The following CD8A variants were observed in gnomAD, a reference collection of about 807,000 sequenced individuals.
CD8A encodes the protein T-cell surface glycoprotein CD8 alpha chain.
CD8A carries 25 observed loss-of-function variants against 24.2 expected under a neutral mutation model. The ratio of observed to expected loss-of-function variants is 1.03; its 90% confidence interval spans 0.75 to 1.44. The LOEUF is 1.44. CD8A is among the 40% of genes most tolerant of loss of function. CD8A has a pLI of 0.00. For synonymous variants in CD8A, 165 were observed against 149.9 expected (o/e 1.10, Z -0.74); for missense variants, 360 against 319.7 (o/e 1.13, Z -0.96).
chr2:86,803,132 T>C (rs1245262863), intron 2 of CD8A, among the ~76,000 whole-genome samples: 2 of 152,232 alleles, frequency 1.3e-5, no homozygotes, highest in Admixed American at 1.3e-4. Flanking sequence ...TGATGTCAAG[T>C]TAAAAGTGAG....
At chr2:86,788,387 C>T (rs1673111786) in intron 5 of CD8A, 143 bp downstream of exon 5, 1 of 733,512 alleles carries the variant, frequency 1.4e-6, no homozygotes, top group Admixed American at 2.1e-5. Flanking sequence ...TCTCTTTGCT[C>T]AGGAACTGGC....
intron 2 of CD8A, among the ~76,000 whole-genome samples, chr2:86,804,617 T>G (rs1208857905): frequency 6.6e-6 from 1 of 151,818 alleles, no homozygotes; most frequent in East Asian, 1.9e-4. Flanking sequence ...GTATTATTAT[T>G]TTTTTTAGAG....
chr2:86,789,594 C>A (rs771007253), intron 3 of CD8A, 46 bp downstream of exon 3: 3 of 1,407,452 alleles, frequency 2.1e-6, no homozygotes, highest in Non-Finnish European at 2.9e-6. Context: ...CATGGGCTCT[C>A]CCCGCGGTGC....
Position 86,785,783 on chromosome 2 carries a change from C to A in CD8A, c.*137G>T, listed in dbSNP as rs1372296038. 1.2e-6 allele frequency: 1 copy of A among 804,592 alleles called. No homozygotes were observed. Among genetic ancestry groups the A allele is most frequent in the East Asian group, 2.4e-5 (1 of 41,336 alleles). The allele number at this position is 804,592 out of a possible 1,614,324, so 49.8% of individuals were successfully genotyped here. A position where few individuals can be genotyped will look rare whatever the true frequency, so the allele number is the denominator to read the frequency against. On this transcript the variant is annotated 3_prime_UTR_variant, in exon 6 of 6. Transcript: ENST00000283635. The stretch of plus-strand genomic sequence containing the variant: ...ACACATAAAGAAAAAGTAATCTTTC[C>A]CACCCCGCCCCCACTAAAATAATAA...
exon 1 of CD8A, chr2:86,808,247 C>T (rs1038664864): frequency 1.4e-4 from 22 of 151,938 alleles, no homozygotes; most frequent in African/African-American, 5.3e-4. Flanking sequence ...CGTACTGAGG[C>T]AGAAACGGGG....
intron 2 of CD8A, among the ~76,000 whole-genome samples, chr2:86,804,054 G>A (rs1673761371): frequency 6.6e-6 from 1 of 152,164 alleles, no homozygotes; most frequent in African/African-American, 2.4e-5. Context: ...GAGCATAGTT[G>A]CTTTTGCTAC....
rs752829085 is a variant in CD8A, at chr2:86,789,414, G to A, written c.534C>T (p.Asp178=). 2 of 1,613,812 alleles carry A rather than the reference G, an allele frequency of 1.2e-6. No individual in the cohort carries two copies. Among genetic ancestry groups the A allele is most frequent in the Non-Finnish European group, 1.7e-6 (2 of 1,179,696 alleles). Residue 178 remains aspartate, a synonymous_variant, in exon 4 of 6, where the codon GAC becomes GAT. Transcript: ENST00000283635. ...AGGAVHTRGL[D]FACDIYIWAP... is the part of the protein sequence containing the mutation. ...CCCAGATGTAGATATCACAGGCGAAGTCCAGCCCCCTCGTGTGCACTGACG... is the reference window on the plus strand; with the variant it reads ...CCCAGATGTAGATATCACAGGCGAAATCCAGCCCCCTCGTGTGCACTGACG...
At chr2:86,795,313 A>T (rs189063111), upstream of CD8A, among the ~76,000 whole-genome samples, 3 of 152,316 alleles carry the variant, frequency 2.0e-5, no homozygotes, top group East Asian at 5.8e-4. Flanking sequence ...TCCAAGTAAG[A>T]GTGGTCAGGA....
At chr2:86,798,890 A>G (rs1418187605) in intron 3 of CD8A, among the ~76,000 whole-genome samples, 2 of 152,128 alleles carry the variant, frequency 1.3e-5, no homozygotes, top group Non-Finnish European at 2.9e-5. Flanking sequence ...TGTTTACTAG[A>G]TATGTATACA....
At chr2:86,805,799 T>C (rs1673829760) in intron 2 of CD8A, among the ~76,000 whole-genome samples, 1 of 152,158 alleles carries the variant, frequency 6.6e-6, no homozygotes, top group Admixed American at 6.5e-5. Flanking sequence ...AAGCTTCAAC[T>C]CTTCTTTTTG....
rs1673904307 is a variant in CD8A at position 86,806,532 on chromosome 2, T to C, written c.-418+915A>G. Among the ~76,000 whole-genome samples the C allele has an allele frequency of 2.0e-5, 3 of 152,192 alleles. No homozygotes were observed. In the South Asian group the frequency reaches 6.2e-4, roughly 32 times the overall value. On this transcript the variant is annotated intron_variant, in intron 2 of 8. Coordinates refer to the CD8A transcript ENST00000409511. ...CTTAGTATGGTTTGTACCTTCCCAG[T>C]AGAGCAGGAAAAAGAGGAACGAGCT...
At chr2:86,807,948 G>A (rs2104471958) in intron 1 of CD8A, among the ~76,000 whole-genome samples, 2 of 152,282 alleles carry the variant, frequency 1.3e-5, no homozygotes, top group South Asian at 4.1e-4. Flanking sequence ...GGTGGAGACA[G>A]GGTCTGCTGT....
At chr2:86,799,592 C>T (rs1558739240) in intron 3 of CD8A, among the ~76,000 whole-genome samples, 2 of 150,854 alleles carry the variant, frequency 1.3e-5, no homozygotes, top group Non-Finnish European at 3.0e-5. Flanking sequence ...CCATCTCTAC[C>T]AAAAATACAA....
upstream of CD8A, chr2:86,791,488 T>C: frequency 2.2e-6 from 1 of 453,904 alleles, no homozygotes; most frequent in South Asian, 1.6e-5. Context: ...CTTCCGGCCT[T>C]TCATCCAGCG....
At chr2:86,799,630 C>G (rs1464402420) in intron 3 of CD8A, among the ~76,000 whole-genome samples, 1 of 152,260 alleles carries the variant, frequency 6.6e-6, no homozygotes, top group East Asian at 1.9e-4. Context: ...GTGGCGGGCG[C>G]CTGTAGTCCC....
Position 86,790,588 on chromosome 2 carries a change from G to A in CD8A, c.143C>T (p.Ser48Phe), listed in dbSNP as rs757331415. Reference sequence around the variant, plus strand: ...CCACGAGCAGCCCGACGTCGGGTTGGACAGCAGCACCTGGCACTTCAGCTC... The same window carrying A: ...CCACGAGCAGCCCGACGTCGGGTTGAACAGCAGCACCTGGCACTTCAGCTC... The part of the protein sequence containing the change: ...TVELKCQVLL[S>F]NPTSGCSWLF... The change falls in exon 2 of 6, where the codon TCC becomes TTC. Residue 48 changes from serine to phenylalanine, a missense_variant. Physicochemically the swap from Ser to Phe is radical, Grantham distance 155 (BLOSUM62 -2). Coordinates refer to ENST00000283635, the MANE Select transcript of CD8A (RefSeq NM_001768.7). 2 of 1,611,786 alleles carry A rather than the reference G, an allele frequency of 1.2e-6. No individual in the cohort carries two copies. The highest frequency in any genetic ancestry group is 1.7e-6 in the Non-Finnish European group (2 of 1,179,824).
chr2:86,786,545 C>T (rs1183991156), intron 5 of CD8A, among the ~76,000 whole-genome samples: 1 of 152,232 alleles, frequency 6.6e-6, no homozygotes, highest in Non-Finnish European at 1.5e-5. Flanking sequence ...GGCCCACCAT[C>T]ATCACTGAGT....
At chr2:86,798,672 G>A (rs1272743684) in intron 3 of CD8A, among the ~76,000 whole-genome samples, 6 of 152,042 alleles carry the variant, frequency 3.9e-5, no homozygotes, top group East Asian at 1.9e-4. Context: ...ACAGGTGCAC[G>A]GCACCATGCC....
intron 2 of CD8A, among the ~76,000 whole-genome samples, chr2:86,802,603 G>A (rs1283935857): frequency 6.6e-6 from 1 of 151,904 alleles, no homozygotes; most frequent in Non-Finnish European, 1.5e-5. Context: ...AAGTCCATTT[G>A]TTTTTACTCT....
Sources: allele counts gnomAD v4.1 joint callset (sites outside exome capture counted in the v4.1 genomes callset), GRCh38; gene constraint gnomAD v4.1.1; transcripts MANE v1.5; gene names NCBI Gene and HGNC (gene_info 2026-07-23, HGNC 2026-07-21).